Variants in KANK1 observed in about 807,000 individuals in gnomAD.
The protein encoded by KANK1 is KN motif and ankyrin repeat domain-containing protein 1.
In KANK1, 109 loss-of-function variants were observed where a neutral mutation model predicts 106.2. The ratio of observed to expected loss-of-function variants is 1.03; its 90% confidence interval spans 0.88 to 1.20. The LOEUF (loss-of-function observed/expected upper bound fraction) is 1.20. KANK1 is among the 50% of genes most tolerant of loss of function. KANK1 has a pLI of 0.00. For synonymous variants in KANK1, 873 were observed against 652.2 expected, an observed-to-expected ratio of 1.34 and a Z score of -5.16; for missense variants, 2,399 against 1,710.7, an observed-to-expected ratio of 1.40 and a Z score of -7.10.
At chr9:472,536 C>G (rs1286754853) in intron 2 of KANK1, among the ~76,000 whole-genome samples, 3 of 152,176 alleles carry the variant, frequency 2.0e-5, no homozygotes, top group African/African-American at 7.2e-5. Flanking sequence ...CCTCTTGAAT[C>G]AGGCATGGCC....
At chr9:546,501 G>A (rs1350918583) in intron 1 of KANK1, among the ~76,000 whole-genome samples, 1 of 152,044 alleles carries the variant, frequency 6.6e-6, no homozygotes, top group Non-Finnish European at 1.5e-5. Flanking sequence ...GGAGGTGGGT[G>A]GACCTGAGAA....
chr9:575,662 C>G (rs1018574600), intron 1 of KANK1, among the ~76,000 whole-genome samples: 1 of 151,964 alleles, frequency 6.6e-6, no homozygotes, highest in African/African-American at 2.4e-5. Context: ...CAGAGCAAGA[C>G]CCTGTCTCAA....
chr9:586,652 A>T (rs1450589283), intron 1 of KANK1, among the ~76,000 whole-genome samples: 1 of 152,168 alleles, frequency 6.6e-6, no homozygotes, highest in Admixed American at 6.5e-5. Context: ...AAAAATACAT[A>T]AAAATAGAGT....
chr9:579,433 C>G (rs1366127028), intron 1 of KANK1, among the ~76,000 whole-genome samples: 1 of 152,170 alleles, frequency 6.6e-6, no homozygotes, highest in African/African-American at 2.4e-5. Flanking sequence ...TTGAAGGACT[C>G]TGTCTCTGTG....
intron 1 of KANK1, among the ~76,000 whole-genome samples, chr9:555,022 C>A (rs377680145): frequency 3.2e-4 from 48 of 152,292 alleles, no homozygotes; most frequent in African/African-American, 1.1e-3. Flanking sequence ...CCTGGGCATC[C>A]GTTTGCCCAG....
At chr9:575,363 T>A (rs1212553332) in intron 1 of KANK1, among the ~76,000 whole-genome samples, 1 of 152,194 alleles carries the variant, frequency 6.6e-6, no homozygotes, top group Non-Finnish European at 1.5e-5. Context: ...ATGAGACTTC[T>A]GTTTTATATA....
intron 2 of KANK1, among the ~76,000 whole-genome samples, chr9:705,138 T>C (rs1823729171): frequency 6.6e-6 from 1 of 152,074 alleles, no homozygotes; most frequent in Non-Finnish European, 1.5e-5. Context: ...AACACTAATA[T>C]TTAACGAACA....
chr9:701,693 G>A (rs906472854), intron 2 of KANK1, among the ~76,000 whole-genome samples: 2 of 152,080 alleles, frequency 1.3e-5, no homozygotes, highest in African/African-American at 2.4e-5. Context: ...GCCTCGTTTG[G>A]TTGGTTTAAA....
chr9:734,726 A>T (rs556632836), intron 6 of KANK1, 22 bp from the exon 7 acceptor site: 1 of 1,522,216 alleles, frequency 6.6e-7, no homozygotes, highest in East Asian at 2.2e-5. Context: ...GACCAATCGT[A>T]ACTTGTTTTT....
intron 1 of KANK1, among the ~76,000 whole-genome samples, chr9:603,999 A>G (rs950162753): frequency 6.7e-6 from 1 of 150,340 alleles, no homozygotes; most frequent in African/African-American, 2.5e-5. Context: ...TGGCCTTACC[A>G]TGCTTGGTTT....
rs748458542 is a variant in KANK1, at chr9:742,234, C to T, written c.3726C>T (p.Val1242=). The T allele has an allele frequency of 1.2e-6, 2 of 1,614,168 alleles. No homozygotes were observed. The highest frequency in any genetic ancestry group is 1.7e-6 in the Non-Finnish European group (2 of 1,180,028). Residue 1242 remains valine (V), a synonymous_variant, in exon 10 of 12, where the codon GTC becomes GTT. Coordinates refer to ENST00000382297, the MANE Select transcript of KANK1 (RefSeq NM_015158.5). ...QAGQTALMLA[V]SHGRIDMVKG... is the part of the protein sequence containing the mutation. ...GACAGACGGCCCTCATGCTGGCGGT[C>T]AGTCACGGACGGATAGACATGGTGA... is the stretch of plus-strand genomic sequence containing the variant.
intron 4 of KANK1, chr9:730,871 C>A (rs947756262): frequency 4.2e-6 from 1 of 235,552 alleles, no homozygotes; most frequent in African/African-American, 2.3e-5. Context: ...TGAGACACGA[C>A]ATCACTTTAT....
At chr9:715,557 G>C (rs1356515034) in intron 3 of KANK1, among the ~76,000 whole-genome samples, 1 of 152,150 alleles carries the variant, frequency 6.6e-6, no homozygotes, top group Non-Finnish European at 1.5e-5. Flanking sequence ...GTGTTTTTTG[G>C]TCTATTTCCA....
At chr9:522,652 G>T (rs945170515) in intron 1 of KANK1, among the ~76,000 whole-genome samples, 3 of 151,912 alleles carry the variant, frequency 2.0e-5, no homozygotes, top group Middle Eastern at 3.4e-3. Context: ...TACTTCTGCA[G>T]GGACAGATCT....
chr9:634,074 C>T (rs1047448522), intron 1 of KANK1, among the ~76,000 whole-genome samples: 2 of 152,116 alleles, frequency 1.3e-5, no homozygotes, highest in African/African-American at 2.4e-5. Context: ...TGTAATTGCC[C>T]AATTGCACAC....
chr9:526,711 A>G (rs909748487), intron 1 of KANK1, among the ~76,000 whole-genome samples: 2 of 151,790 alleles, frequency 1.3e-5, no homozygotes, highest in African/African-American at 2.4e-5. Context: ...CCTCAGAGGA[A>G]TCTCTCATCT....
At chr9:502,917 C>T (rs943767482), upstream of KANK1, among the ~76,000 whole-genome samples, 4 of 152,126 alleles carry the variant, frequency 2.6e-5, no homozygotes, top group Non-Finnish European at 4.4e-5. Context: ...TCACTGCCGC[C>T]TCGACCTCCA....
intron 2 of KANK1, chr9:693,322 G>C (rs1820441313): frequency 1.1e-6 from 1 of 917,594 alleles, no homozygotes; most frequent in Non-Finnish European, 1.3e-6. Flanking sequence ...AGCTCAAATT[G>C]TAACAGAGAG....
rs16921259 is a variant in KANK1, at chr9:620,927, C to G, written c.-83-55963C>G. Among the ~76,000 whole-genome samples the G allele has an allele frequency of 5.2e-3, 795 of 152,244 alleles. 5 individuals are homozygous for G. Among genetic ancestry groups the G allele is most frequent in the African/African-American group, 0.018 (753 of 41,526 alleles). ...TTGGGGTACCAGTTTACTAATTGATCAAATTCCAGATTGGAAATTAGTCAT... is the reference window on the plus strand; with the variant it reads ...TTGGGGTACCAGTTTACTAATTGATGAAATTCCAGATTGGAAATTAGTCAT... On this transcript the variant is annotated intron_variant, in intron 1 of 11. Transcript: ENST00000382297.
Sources: gnomAD v4.1 joint callset for allele counts (sites outside exome capture counted in the v4.1 genomes callset) on GRCh38, gnomAD v4.1.1 for gene constraint, MANE v1.5 for transcripts, NCBI Gene and HGNC (gene_info 2026-07-23, HGNC 2026-07-21) for gene names.